NRG1: variants seen among roughly 807,000 people sequenced by gnomAD.
The protein encoded by NRG1 is pro-neuregulin-1, membrane-bound isoform.
Under a neutral mutation model 63.8 loss-of-function variants are expected in NRG1, and 18 were observed. The ratio of observed to expected loss-of-function variants is 0.28; its 90% confidence interval spans 0.19 to 0.42. The LOEUF (loss-of-function observed/expected upper bound fraction) is 0.42, where lower values mean the gene tolerates loss of function less well. NRG1 is among the 10% of genes least tolerant of loss of function. The probability of loss-of-function intolerance (pLI) is 1.00; values close to 1 mark genes in which losing one functional copy is unlikely to be tolerated. For synonymous variants in NRG1, 302 were observed against 301.3 expected, an observed-to-expected ratio of 1.00 and a Z score of -0.02; for missense variants, 762 against 814.7, an observed-to-expected ratio of 0.94 and a Z score of 0.79.
intron 1 of NRG1, among the ~76,000 whole-genome samples, chr8:32,302,062 A>T (rs1056456703): frequency 6.6e-6 from 1 of 152,128 alleles, no homozygotes; most frequent in African/African-American, 2.4e-5. Context: ...ATTTGTCCTG[A>T]ATATTTCATT....
chr8:32,282,348 A>G (rs947251127), intron 1 of NRG1, among the ~76,000 whole-genome samples: 1 of 152,216 alleles, frequency 6.6e-6, no homozygotes, highest in Non-Finnish European at 1.5e-5. Context: ...TTTCCCTCTC[A>G]AATCCAGACT....
intron 1 of NRG1, among the ~76,000 whole-genome samples, chr8:32,298,913 G>T (rs1323635546): frequency 2.0e-5 from 3 of 149,232 alleles, no homozygotes; most frequent in African/African-American, 7.4e-5. Flanking sequence ...TGTAGTCCCA[G>T]CTACTCAGGA....
chr8:32,107,321 T>A (rs1406270621), intron 1 of NRG1, among the ~76,000 whole-genome samples: 1 of 152,206 alleles, frequency 6.6e-6, no homozygotes, highest in Admixed American at 6.5e-5. Context: ...GTTTTCTAAG[T>A]ACTATTAGAC....
intron 1 of NRG1, among the ~76,000 whole-genome samples, chr8:32,121,793 C>T (rs967596782): frequency 2.0e-5 from 3 of 151,794 alleles, no homozygotes; most frequent in African/African-American, 7.3e-5. Context: ...AGCAATAGAC[C>T]CCAGGTTAAG....
At chr8:32,346,114 C>T (rs1264438883) in intron 1 of NRG1, among the ~76,000 whole-genome samples, 1 of 144,910 alleles carries the variant, frequency 6.9e-6, no homozygotes, top group Non-Finnish European at 1.5e-5. Flanking sequence ...ATATAATATA[C>T]AAATATATAT....
At chr8:31,797,193 T>C (rs1821309459) in intron 1 of NRG1, among the ~76,000 whole-genome samples, 1 of 152,202 alleles carries the variant, frequency 6.6e-6, no homozygotes, top group Non-Finnish European at 1.5e-5. Flanking sequence ...ATTGTGAGAC[T>C]TAACCATTTT....
At chr8:32,471,015 T>C (rs1460007991) in intron 1 of NRG1, among the ~76,000 whole-genome samples, 1 of 152,200 alleles carries the variant, frequency 6.6e-6, no homozygotes, top group African/African-American at 2.4e-5. Context: ...GTTGCATTTC[T>C]GGTCTTGAAC....
intron 1 of NRG1, among the ~76,000 whole-genome samples, chr8:32,492,188 G>T (rs1055758703): frequency 6.6e-6 from 1 of 152,004 alleles, no homozygotes; most frequent in Non-Finnish European, 1.5e-5. Flanking sequence ...ATTCATCAGG[G>T]CCTAGCACAA....
Position 32,541,387 on chromosome 8 carries a change from T to G in NRG1, c.38-54441T>G, listed in dbSNP as rs114323095. Among the ~76,000 whole-genome samples, 365 of 152,192 alleles carry G rather than the reference T, an allele frequency of 2.4e-3. 3 individuals carry two copies. The highest frequency in any genetic ancestry group is 8.5e-3 in the African/African-American group (353 of 41,520). ...TGCCTGGGCCAGGTACAGAATATGATGGGTCCGTGTTTCACTCCATACAGC... is the reference window on the plus strand; with the variant it reads ...TGCCTGGGCCAGGTACAGAATATGAGGGGTCCGTGTTTCACTCCATACAGC... On this transcript the variant is annotated intron_variant, in intron 1 of 10. Coordinates refer to the NRG1 transcript ENST00000519301.
In NRG1 at chr8:32,049,671, G is replaced by A. The variant is rs150520616; in HGVS notation, c.37+410240G>A. Among the ~76,000 whole-genome samples, 15 of 152,220 alleles carry A rather than the reference G, an allele frequency of 9.9e-5. 1 individual carries two copies. Among genetic ancestry groups the A allele is most frequent in the African/African-American group, 3.6e-4 (15 of 41,564 alleles). ...ATATTGTTTTCTTTAAAAGGAAATT[G>A]GGTGTGTATAAAACATCAGAGGAAA... On this transcript the variant is annotated intron_variant, in intron 1 of 10. Coordinates refer to the NRG1 transcript ENST00000519301.
intron 1 of NRG1, among the ~76,000 whole-genome samples, chr8:31,851,574 T>G (rs1827221889): frequency 6.6e-6 from 1 of 152,150 alleles, no homozygotes; most frequent in Non-Finnish European, 1.5e-5. Flanking sequence ...AAATTTGCCA[T>G]TTGATATGGG....
chr8:32,589,182 G>A (rs930128616), intron 1 of NRG1, among the ~76,000 whole-genome samples: 1 of 152,194 alleles, frequency 6.6e-6, no homozygotes, highest in African/African-American at 2.4e-5. Context: ...AAATTTGTGA[G>A]TGCAGCTCAG....
At chr8:31,979,083 C>T (rs1021016348) in intron 1 of NRG1, among the ~76,000 whole-genome samples, 10 of 152,310 alleles carry the variant, frequency 6.6e-5, no homozygotes, top group East Asian at 1.9e-4. Context: ...CCTGCTCTGA[C>T]TTCTGTCTTA....
chr8:31,644,716 G>GT lies in NRG1; in HGVS notation c.37+5294dup, dbSNP rs199936750. On this transcript the variant is annotated intron_variant, in intron 1 of 10. Transcript: ENST00000519301. The stretch of plus-strand genomic sequence containing the variant: ...TTGCTTCGATACCTATTTTCTTCCT[G>GT]TTTTTTTTTCTTAATTATAAACATA... Among the ~76,000 whole-genome samples the GT allele has an allele frequency of 1.4e-3, 209 of 150,258 alleles. 2 individuals are homozygous for GT. Among genetic ancestry groups the GT allele is most frequent in the East Asian group, 9.9e-3 (51 of 5,126 alleles).
chr8:31,781,028 A>G (rs1293669009), intron 1 of NRG1, among the ~76,000 whole-genome samples: 1 of 152,190 alleles, frequency 6.6e-6, no homozygotes, highest in Non-Finnish European at 1.5e-5. Context: ...GATTATACCT[A>G]TCTGTAAGTG....
chr8:32,053,968 G>A (rs945895268), intron 1 of NRG1, among the ~76,000 whole-genome samples: 2 of 152,016 alleles, frequency 1.3e-5, no homozygotes, highest in Middle Eastern at 3.2e-3. Flanking sequence ...AGTAGTATTG[G>A]CTCATTATCA....
chr8:32,544,297 T>C (rs1001737999), upstream of NRG1, among the ~76,000 whole-genome samples: 4 of 152,140 alleles, frequency 2.6e-5, no homozygotes, highest in African/African-American at 9.7e-5. Flanking sequence ...AATTTTGCAG[T>C]ATTTTTCTTT....
chr8:31,890,578 A>C (rs775412255), intron 1 of NRG1, among the ~76,000 whole-genome samples: 2 of 152,194 alleles, frequency 1.3e-5, no homozygotes, highest in Non-Finnish European at 2.9e-5. Context: ...GAGTTAAAGA[A>C]AGGCACGTCC....
rs1282148082 is a variant in NRG1 at position 32,388,909 on chromosome 8, G to A, written c.38-206919G>A. On this transcript the variant is annotated intron_variant, in intron 1 of 10. Transcript: ENST00000519301. ...TCTGTAATGTTAAATGTACCCATAT[G>A]GCTTCTGGGAAATTTAGGGGCATCC... Among the ~76,000 whole-genome samples the A allele has an allele frequency of 2.6e-5, 4 of 152,134 alleles. 1 individual carries two copies. Among genetic ancestry groups the A allele is most frequent in the African/African-American group, 9.7e-5 (4 of 41,432 alleles).
Sources: gnomAD v4.1 joint callset for allele counts (sites outside exome capture counted in the v4.1 genomes callset) on GRCh38, gnomAD v4.1.1 for gene constraint, MANE v1.5 for transcripts, NCBI Gene and HGNC (gene_info 2026-07-23, HGNC 2026-07-21) for gene names.